QKI: variants seen among roughly 807,000 people sequenced by gnomAD.
QKI encodes KH domain-containing RNA-binding protein QKI.
A neutral mutation model predicts 39.0 loss-of-function variants in QKI; 10 were observed. That is an observed-to-expected ratio of 0.26 (90% CI 0.16 to 0.43). The LOEUF (loss-of-function observed/expected upper bound fraction) is 0.43, where lower values mean the gene tolerates loss of function less well. Among genes scored for constraint, QKI ranks in the 20% least tolerant of loss-of-function variants. The pLI, the probability that QKI is intolerant of heterozygous loss-of-function variation, is 1.00. For missense variants in QKI, 218 were observed against 428.0 expected (o/e 0.51, Z 4.33); for synonymous variants, 204 against 155.4 (o/e 1.31, Z -2.33).
chr6:163,459,812 C>CT (rs748703719), intron 2 of QKI, among the ~76,000 whole-genome samples: 3 of 152,076 alleles, frequency 2.0e-5, no homozygotes, highest in Admixed American at 6.5e-5. Flanking sequence ...TTATTGAAGA[C>CT]TTTAAGTTTC....
chr6:163,532,807 T>G (rs1219280907), intron 3 of QKI, among the ~76,000 whole-genome samples: 6 of 152,164 alleles, frequency 3.9e-5, no homozygotes, highest in Non-Finnish European at 8.8e-5. Flanking sequence ...CTCTGAGCTT[T>G]GGCTGCCTCG....
intron 3 of QKI, among the ~76,000 whole-genome samples, chr6:163,497,240 G>A (rs1217839289): frequency 6.6e-6 from 1 of 151,930 alleles, no homozygotes; most frequent in Non-Finnish European, 1.5e-5. Context: ...GCCATTTTGT[G>A]CCATCATTAG....
Position 163,416,066 on chromosome 6 carries a change from G to C in QKI, c.142+731G>C, listed in dbSNP as rs936428486. 1.2e-4 allele frequency: 11 copies of C among 92,116 alleles called. 2 individuals carry two copies. The East Asian group carries it at 3.6e-3, about 31-fold the overall frequency. The allele number at this position is 92,116 out of a possible 1,614,324, so 5.7% of individuals were successfully genotyped here. A position where few individuals can be genotyped will look rare whatever the true frequency, so the allele number is the denominator to read the frequency against. The stretch of plus-strand genomic sequence containing the variant: ...CACTTTTCGGGGGTGGGGGGGGGGG[G>C]GGTGGAGTGCGAAATAACGCGATGA... On this transcript the variant is annotated intron_variant, in intron 1 of 7. Transcript: ENST00000361752.
chr6:163,576,535 T>C lies in QKI; in HGVS notation c.*5825T>C, dbSNP rs1223878910. 6.6e-6 allele frequency: 1 copy of C among 152,110 alleles called. No homozygotes were observed. Among genetic ancestry groups the C allele is most frequent in the Non-Finnish European group, 1.5e-5 (1 of 68,036 alleles). 9.4% of individuals were successfully genotyped at this position (152,110 alleles called of 1,614,324 possible). ...ATATCTTTTATGGTTTATATTGTAG[T>C]GGTATGTATGAAACATTTAAAATTT... On this transcript the variant is annotated 3_prime_UTR_variant, in exon 8 of 8. Coordinates refer to ENST00000361752, the MANE Select transcript of QKI (RefSeq NM_006775.3).
rs1009910936 is a variant in QKI at position 163,576,058 on chromosome 6, A to G, written c.*5348A>G. ...TCGAATTCACAATTTTTCTAAGTGC[A>G]TAGAGTAGTTTTTTACATTGTCACG... On this transcript the variant is annotated 3_prime_UTR_variant, in exon 8 of 8. Transcript: ENST00000361752. 1 of 152,244 alleles carries G rather than the reference A, an allele frequency of 6.6e-6. No individual in the cohort carries two copies. The highest frequency in any genetic ancestry group is 6.5e-5 in the Admixed American group (1 of 15,280). The allele number at this position is 152,244 out of a possible 1,614,324, so 9.4% of individuals were successfully genotyped here.
At chr6:163,447,009 C>T (rs142450565) in intron 1 of QKI, among the ~76,000 whole-genome samples, 1 of 152,222 alleles carries the variant, frequency 6.6e-6, no homozygotes, top group East Asian at 1.9e-4. Flanking sequence ...CTGGTCTACA[C>T]TTATTATAGT....
At chr6:163,491,889 C>T (rs117951222) in intron 3 of QKI, among the ~76,000 whole-genome samples, 2,402 of 152,236 alleles carry the variant, frequency 0.016, 22 homozygotes, top group Non-Finnish European at 0.024. Context: ...AGATATAACT[C>T]CAGGATGAGT....
rs202064822 is a variant in QKI at position 163,415,309 on chromosome 6, A to G, written c.116A>G (p.Asn39Ser). 1.9e-6 allele frequency: 3 copies of G among 1,588,858 alleles called. No homozygotes were observed. Among genetic ancestry groups the G allele is most frequent in the East Asian group, 2.3e-5 (1 of 43,440 alleles). Residue 39 changes from asparagine (N) to serine (S), a missense_variant, in exon 1 of 8, where the codon AAC becomes AGC. Asn to Ser is a conservative substitution (Grantham distance 46). Around this residue, in one of 3 missense-constraint regions of QKI, gnomAD observed 40 missense variants for 48.7 expected, o/e 0.82. Transcript: ENST00000361752. ...SSLPNFCGIF[N>S]HLERLLDEEI... Reference sequence around the variant, plus strand: ...CTGCCCAACTTCTGCGGGATCTTCAACCACCTCGAGCGGCTGCTGGACGAA... The same window carrying G: ...CTGCCCAACTTCTGCGGGATCTTCAGCCACCTCGAGCGGCTGCTGGACGAA...
chr6:163,577,658 C>G lies in QKI; in HGVS notation c.*6948C>G, dbSNP rs1490776400. 1 of 152,484 alleles carries G rather than the reference C, an allele frequency of 6.6e-6. No homozygotes were observed. The highest frequency in any genetic ancestry group is 6.5e-5 in the Admixed American group (1 of 15,276). The allele number at this position is 152,484 out of a possible 1,614,324, so 9.4% of individuals were successfully genotyped here. The stretch of plus-strand genomic sequence containing the variant: ...CTCTTCTCTTGCTTTAATCCTTCCC[C>G]CCGGCTCTCTGGCTCCTGTGGATAT... On this transcript the variant is annotated 3_prime_UTR_variant, in exon 8 of 8. Coordinates refer to ENST00000361752, the MANE Select transcript of QKI (RefSeq NM_006775.3).
intron 4 of QKI, among the ~76,000 whole-genome samples, chr6:163,541,499 T>C (rs990661130): frequency 9.0e-4 from 8 of 8,920 alleles, no homozygotes; most frequent in African/African-American, 2.7e-3. Context: ...ATGTCTACCC[T>C]TTTTTTTTTT....
chr6:163,463,703 A>G (rs1791510451), intron 2 of QKI, among the ~76,000 whole-genome samples: 1 of 152,220 alleles, frequency 6.6e-6, no homozygotes, highest in Non-Finnish European at 1.5e-5. Flanking sequence ...CAATTAGAAA[A>G]AAGATTATTT....
At chr6:163,490,801 G>C (rs1464288531) in intron 3 of QKI, among the ~76,000 whole-genome samples, 4 of 152,196 alleles carry the variant, frequency 2.6e-5, no homozygotes, top group Admixed American at 2.6e-4. Context: ...GAAGTGGGAA[G>C]TGACTAAAGG....
At position 163,506,441 on chromosome 6, in the gene QKI, G is replaced by A. The variant is rs1040515; in HGVS notation, c.402+27545G>A. On this transcript the variant is annotated intron_variant, in intron 3 of 7. Transcript: ENST00000361752. ...TTGTACAGGACATCTGTAACCACAG[G>A]AAATTGCATTGTACAAATGAAGAAG... is the stretch of plus-strand genomic sequence containing the variant. Among the ~76,000 whole-genome samples, 454 of 151,672 alleles carry A rather than the reference G, an allele frequency of 3.0e-3. 7 individuals carry two copies. Among genetic ancestry groups the A allele is most frequent in the Non-Finnish European group, 5.9e-3 (398 of 68,012 alleles).
intron 2 of QKI, among the ~76,000 whole-genome samples, chr6:163,466,288 A>G (rs1310596901): frequency 6.6e-6 from 1 of 152,196 alleles, no homozygotes; most frequent in Non-Finnish European, 1.5e-5. Flanking sequence ...CCATGTTCGT[A>G]GATTGGAAGA....
rs1583242942 is a variant in QKI at position 163,573,070 on chromosome 6, T to A, written c.*2360T>A. On this transcript the variant is annotated 3_prime_UTR_variant, in exon 8 of 8. Coordinates refer to ENST00000361752, the MANE Select transcript of QKI (RefSeq NM_006775.3). ...GTTATACCTGGACATTTTAGATGTT[T>A]ATCAAAGGTCTTTTATGGGGAAGAA... 2 of 152,314 alleles carry A rather than the reference T, an allele frequency of 1.3e-5. No homozygotes were observed. The highest frequency in any genetic ancestry group is 3.9e-4 in the East Asian group (2 of 5,174). The allele number at this position is 152,314 out of a possible 1,614,324, so 9.4% of individuals were successfully genotyped here. A position where few individuals can be genotyped will look rare whatever the true frequency, so the allele number is the denominator to read the frequency against.
chr6:163,529,825 G>A (rs550021947), intron 3 of QKI, among the ~76,000 whole-genome samples: 2 of 152,266 alleles, frequency 1.3e-5, no homozygotes, highest in East Asian at 3.9e-4. Context: ...AAAAATCCAC[G>A]CTGATTCAGA....
In QKI at chr6:163,459,510, C is replaced by T. The variant is rs114214808; in HGVS notation, c.285+4089C>T. Reference sequence around the variant, plus strand: ...GTAGTGCTGAGGTTGAGAAACCCTGCGTTAGTGATACCAAGTCACTTCATT... The same window carrying T: ...GTAGTGCTGAGGTTGAGAAACCCTGTGTTAGTGATACCAAGTCACTTCATT... On this transcript the variant is annotated intron_variant, in intron 2 of 7. Coordinates refer to ENST00000361752, the MANE Select transcript of QKI (RefSeq NM_006775.3). Among the ~76,000 whole-genome samples the T allele has an allele frequency of 2.9e-3, 438 of 152,226 alleles. 2 individuals carry two copies. The highest frequency in any genetic ancestry group is 9.7e-3 in the African/African-American group (403 of 41,522).
At position 163,578,310 on chromosome 6, in the gene QKI, T is replaced by C. The variant is rs1230821564; in HGVS notation, c.*7600T>C. ...TGAATCCACAATTCTTGCAGAACTA[T>C]TTGAGTTGATACTAAAGATTTTATG... On this transcript the variant is annotated 3_prime_UTR_variant, in exon 8 of 8. Coordinates refer to ENST00000361752, the MANE Select transcript of QKI (RefSeq NM_006775.3). 1 of 152,190 alleles carries C rather than the reference T, an allele frequency of 6.6e-6. No homozygotes were observed. Among genetic ancestry groups the C allele is most frequent in the East Asian group, 1.9e-4 (1 of 5,202 alleles). The allele number at this position is 152,190 out of a possible 1,614,324, so 9.4% of individuals were successfully genotyped here.
At chr6:163,503,625 G>T (rs1453411472) in intron 3 of QKI, among the ~76,000 whole-genome samples, 1 of 152,056 alleles carries the variant, frequency 6.6e-6, no homozygotes, top group Non-Finnish European at 1.5e-5. Context: ...TGAGGGTTTA[G>T]TTATAAATTC....
Sources: allele counts gnomAD v4.1 joint callset (sites outside exome capture counted in the v4.1 genomes callset), GRCh38; gene constraint gnomAD v4.1.1; regional missense constraint gnomAD v4.1.1; transcripts MANE v1.5; gene names NCBI Gene and HGNC (gene_info 2026-07-23, HGNC 2026-07-21).